The following PCDHGA7 variants were observed in gnomAD, a reference collection of about 807,000 sequenced individuals.
PCDHGA7 encodes protocadherin gamma-A7.
PCDHGA7 carries 44 observed loss-of-function variants against 58.3 expected under a neutral mutation model. The ratio of observed to expected loss-of-function variants is 0.75; its 90% CI spans 0.59 to 0.97. PCDHGA7 has a LOEUF of 0.97. PCDHGA7 is among the 50% of genes least tolerant of loss of function. The pLI is 0.00. For synonymous variants in PCDHGA7, 516 were observed against 504.2 expected (o/e 1.02, Z -0.31); for missense variants, 1,266 against 1,188.7 (o/e 1.06, Z -0.96).
intron 1 of PCDHGA7, chr5:141,404,402 A>T: frequency 6.2e-7 from 1 of 1,613,850 alleles, no homozygotes; most frequent in Non-Finnish European, 8.5e-7. Context: ...TAGCAATGAG[A>T]ATTCTAGAGT....
intron 1 of PCDHGA7, among the ~76,000 whole-genome samples, chr5:141,484,685 T>G (rs2099599013): frequency 6.6e-6 from 1 of 151,934 alleles, no homozygotes; most frequent in Non-Finnish European, 1.5e-5. Flanking sequence ...TTGCTAGGGC[T>G]CAGGCTGTGG....
At chr5:141,510,134 C>T (rs1273076437) in intron 3 of PCDHGA7, among the ~76,000 whole-genome samples, 1 of 152,064 alleles carries the variant, frequency 6.6e-6, no homozygotes, top group East Asian at 1.9e-4. Context: ...ATTAGCTGGG[C>T]TAGTGGTGTG....
In PCDHGA7 at chr5:141,485,910, G is replaced by C. The variant is rs142273728; in HGVS notation, c.2425-8897G>C. On this transcript the variant is annotated intron_variant, in intron 1 of 3. Transcript: ENST00000518325. The surrounding 1 kb of genome is among the most constrained non-coding windows in gnomAD (Gnocchi z 5.7). ...AACGCCCCAGCCTTCCAGCAATCCAGCTACAGGATTAGTGTGTTGGAGAGC... is the reference window on the plus strand; with the variant it reads ...AACGCCCCAGCCTTCCAGCAATCCACCTACAGGATTAGTGTGTTGGAGAGC... The C allele has an allele frequency of 1.2e-6, 2 of 1,614,078 alleles. No homozygotes were observed. Among genetic ancestry groups the C allele is most frequent in the African/African-American group, 2.7e-5 (2 of 74,932 alleles).
rs1200950542 is a variant in PCDHGA7, at chr5:141,409,998, G to A, written c.2424+24675G>A. 4 of 1,613,236 alleles carry A rather than the reference G, an allele frequency of 2.5e-6. No homozygotes were observed. In the Admixed American group the frequency reaches 6.7e-5, roughly 27 times the overall value. On this transcript the variant is annotated intron_variant, in intron 1 of 3. Coordinates refer to ENST00000518325, the MANE Select transcript of PCDHGA7 (RefSeq NM_018920.4). ...GTGGTAGCGGTGGACGCCGACTCGGGACACAACGCCTGGCTGTCCTACCAC... is the reference window on the plus strand; with the variant it reads ...GTGGTAGCGGTGGACGCCGACTCGGAACACAACGCCTGGCTGTCCTACCAC...
intron 1 of PCDHGA7, chr5:141,398,750 A>G (rs144881560): frequency 1.1e-5 from 17 of 1,613,502 alleles, no homozygotes; most frequent in Middle Eastern, 1.6e-4. Flanking sequence ...CAGAGTTACC[A>G]TCGTTTAGTC....
chr5:141,499,466 G>C (rs1337970911), intron 2 of PCDHGA7, among the ~76,000 whole-genome samples: 1 of 152,034 alleles, frequency 6.6e-6, no homozygotes, highest in African/African-American at 2.4e-5. Flanking sequence ...TTACAATCTA[G>C]GGAGAACCAC....
chr5:141,474,985 C>T (rs2099357651), intron 1 of PCDHGA7, among the ~76,000 whole-genome samples: 1 of 152,202 alleles, frequency 6.6e-6, no homozygotes, highest in Non-Finnish European at 1.5e-5. Context: ...TGTTTGGTGA[C>T]AACAATTCTA....
In PCDHGA7 at chr5:141,457,491, A is replaced by G. The variant is rs1462989353; in HGVS notation, c.2425-37316A>G. Among the ~76,000 whole-genome samples, 9 of 152,368 alleles carry G rather than the reference A, an allele frequency of 5.9e-5. No individual in the cohort carries two copies. The East Asian group carries it at 1.5e-3, about 26-fold the overall frequency. On this transcript the variant is annotated intron_variant, in intron 1 of 3. Transcript: ENST00000518325. ...ATAAGCAGGGCCAGGGTTAGTCTAA[A>G]ATGTAGGCAAAAAGCTTAAAAACAA...
rs773232677 is a variant in PCDHGA7, at chr5:141,490,388, G to A, written c.2425-4419G>A. 2 of 1,614,206 alleles carry A rather than the reference G, an allele frequency of 1.2e-6. No homozygotes were observed. The highest frequency in any genetic ancestry group is 2.2e-5 in the East Asian group (1 of 44,878). The stretch of plus-strand genomic sequence containing the variant: ...CGAGACCGGGACTCAGGTAGAAATG[G>A]TGAAGTGAGCCTTGATATCTCTCCG... On this transcript the variant is annotated intron_variant, in intron 1 of 3. Transcript: ENST00000518325. The surrounding 1 kb of genome is among the most constrained non-coding windows in gnomAD (Gnocchi z 5.4).
At chr5:141,394,937 C>A in intron 1 of PCDHGA7, 1 of 1,613,806 alleles carries the variant, frequency 6.2e-7, no homozygotes, top group Non-Finnish European at 8.5e-7. Context: ...TCGCCTTTGT[C>A]GCTGTGCTTC....
At chr5:141,501,883 G>A (rs1204174131) in intron 2 of PCDHGA7, among the ~76,000 whole-genome samples, 1 of 152,022 alleles carries the variant, frequency 6.6e-6, no homozygotes, top group African/African-American at 2.4e-5. Flanking sequence ...TTACACTCCT[G>A]ATCATCATGG....
intron 1 of PCDHGA7, chr5:141,418,232 G>A (rs1034684988): frequency 6.2e-7 from 1 of 1,614,066 alleles, no homozygotes; most frequent in Non-Finnish European, 8.5e-7. Flanking sequence ...GGTGATTGAG[G>A]ATGTTAATGA....
intron 1 of PCDHGA7, chr5:141,428,113 T>A: frequency 6.2e-7 from 1 of 1,607,492 alleles, no homozygotes; most frequent in Non-Finnish European, 8.5e-7. Flanking sequence ...CTGCAGGCCA[T>A]CGAGCCCGGG....
At position 141,485,562 on chromosome 5, in the gene PCDHGA7, C is replaced by T. The variant is rs779890454; in HGVS notation, c.2425-9245C>T. 2.5e-6 allele frequency: 4 copies of T among 1,612,910 alleles called. No homozygotes were observed. Among genetic ancestry groups the T allele is most frequent in the Admixed American group, 1.7e-5 (1 of 59,996 alleles). On this transcript the variant is annotated intron_variant, in intron 1 of 3. Transcript: ENST00000518325. The surrounding 1 kb of genome is among the most constrained non-coding windows in gnomAD (Gnocchi z 5.7). ...GAGATCGTAGATGTGAATGATCACG[C>T]CCCCCGTTTTCCGCGGCAGCAGCTG... is the stretch of plus-strand genomic sequence containing the variant.
chr5:141,434,877 C>A (rs1266355299), intron 1 of PCDHGA7, among the ~76,000 whole-genome samples: 1 of 151,612 alleles, frequency 6.6e-6, no homozygotes, highest in Non-Finnish European at 1.5e-5. Flanking sequence ...TGACAGATAC[C>A]AACAACAATC....
Position 141,511,334 on chromosome 5 carries a change from C to A in PCDHGA7, c.*161C>A. 7.0e-7 allele frequency: 1 copy of A among 1,438,700 alleles called. No homozygotes were observed. Among genetic ancestry groups the A allele is most frequent in the Non-Finnish European group, 9.2e-7 (1 of 1,083,314 alleles). 89.1% of individuals were successfully genotyped at this position (1,438,700 alleles called of 1,614,324 possible). On this transcript the variant is annotated 3_prime_UTR_variant, in exon 4 of 4. Coordinates refer to ENST00000518325, the MANE Select transcript of PCDHGA7 (RefSeq NM_018920.4). ...GAAACAGAAACAAGTGCCCAGTCAG[C>A]ACCTACCCCTTCCCCCCCAGGGGGT...
At position 141,383,464 on chromosome 5, in the gene PCDHGA7, A is replaced by C. The variant is rs368298668; in HGVS notation, c.565A>C (p.Thr189Pro). 6.1e-5 allele frequency: 99 copies of C among 1,613,728 alleles called. No individual in the cohort carries two copies. The highest frequency in any genetic ancestry group is 8.2e-5 in the Non-Finnish European group (97 of 1,179,848). Reference sequence around the variant, plus strand: ...GGCTGTGCAAAGTGGAGACGATGAAACTAAGTACCCGGAACTGGTGCTGGA... The same window carrying C: ...GGCTGTGCAAAGTGGAGACGATGAACCTAAGTACCCGGAACTGGTGCTGGA... ...SLAVQSGDDE[T>P]KYPELVLERV... The change falls in exon 1 of 4, where the codon ACT (threonine) becomes CCT (proline). Residue 189 changes from threonine (T) to proline (P), a missense_variant. Coordinates refer to ENST00000518325, the MANE Select transcript of PCDHGA7 (RefSeq NM_018920.4).
Position 141,507,461 on chromosome 5 carries a change from G to A in PCDHGA7, c.2572+1980G>A, listed in dbSNP as rs145114393. On this transcript the variant is annotated intron_variant, in intron 3 of 3. Coordinates refer to ENST00000518325, the MANE Select transcript of PCDHGA7 (RefSeq NM_018920.4). ...AGCTGACGGAAGGACAGAGAGAGAG[G>A]TGGCAGGGACTGCTGGCCTCCTGAG... Among the ~76,000 whole-genome samples the A allele has an allele frequency of 3.8e-3, 581 of 152,330 alleles. 5 individuals are homozygous for A. Among genetic ancestry groups the A allele is most frequent in the African/African-American group, 0.012 (485 of 41,570 alleles).
chr5:141,431,511 T>G lies in PCDHGA7; in HGVS notation c.2424+46188T>G, dbSNP rs1234369765. 6.2e-7 allele frequency: 1 copy of G among 1,614,018 alleles called. No individual in the cohort carries two copies. On this transcript the variant is annotated intron_variant, in intron 1 of 3. Transcript: ENST00000518325. The surrounding 1 kb of genome is among the most constrained non-coding windows in gnomAD (Gnocchi z 4.8). ...GCTCAGCCCGAGTACCGCGCGAGCGTTCCGGAGAATCTGGCCTTGGGCACG... is the reference window on the plus strand; with the variant it reads ...GCTCAGCCCGAGTACCGCGCGAGCGGTCCGGAGAATCTGGCCTTGGGCACG...
Sources: allele counts gnomAD v4.1 joint callset (sites outside exome capture counted in the v4.1 genomes callset), GRCh38; gene constraint gnomAD v4.1.1; non-coding constraint Gnocchi (gnomAD v3.1); transcripts MANE v1.5; gene names NCBI Gene and HGNC (gene_info 2026-07-23, HGNC 2026-07-21).